SMC5: variants seen among roughly 807,000 people sequenced by gnomAD.
SMC5 encodes the protein structural maintenance of chromosomes 5, also known as structural maintenance of chromosomes protein 5.
Under a neutral mutation model 148.3 loss-of-function variants are expected in SMC5, and 88 were observed. The observed-to-expected ratio is 0.59, with a 90% confidence interval of 0.50 to 0.71. The LOEUF is 0.71. SMC5 is among the 30% of genes least tolerant of loss of function. The pLI is 0.00. For missense variants in SMC5, 1,142 were observed against 1,298.9 expected, an observed-to-expected ratio of 0.88 and a Z score of 1.86; for synonymous variants, 421 against 432.8, an observed-to-expected ratio of 0.97 and a Z score of 0.34.
chr9:70,347,572 T>C (rs760038664), intron 20 of SMC5, 41 bp from the exon 21 acceptor site: 1 of 1,051,850 alleles, frequency 9.5e-7, no homozygotes, highest in South Asian at 1.5e-5. Flanking sequence ...TTTTATCCTT[T>C]GGTAGATTTA....
At chr9:70,262,967 A>G (rs563380169) in intron 1 of SMC5, among the ~76,000 whole-genome samples, 18 of 152,252 alleles carry the variant, frequency 1.2e-4, no homozygotes, top group African/African-American at 4.3e-4. Flanking sequence ...GCCAAAAAAA[A>G]AAAAATTGCA....
chr9:70,336,765 G>T (rs1343726180), intron 17 of SMC5, among the ~76,000 whole-genome samples: 1 of 152,234 alleles, frequency 6.6e-6, no homozygotes, highest in East Asian at 1.9e-4. Context: ...GTTTCATGAA[G>T]AAGTTGACCC....
chr9:70,325,106 T>C (rs1425217380), intron 17 of SMC5, among the ~76,000 whole-genome samples: 2 of 152,194 alleles, frequency 1.3e-5, no homozygotes, highest in Non-Finnish European at 2.9e-5. Flanking sequence ...GTTTGGGAAG[T>C]TGGGCTGAAA....
At chr9:70,292,176 AC>A (rs35122953) in intron 8 of SMC5, among the ~76,000 whole-genome samples, 17,431 of 152,194 alleles carry the variant, frequency 0.11, 1,076 homozygotes, top group African/African-American at 0.15. Flanking sequence ...TCCTTACTTC[AC>A]CATTCCTGAT....
intron 9 of SMC5, among the ~76,000 whole-genome samples, chr9:70,298,694 A>T (rs1254249524): frequency 6.6e-6 from 1 of 151,802 alleles, no homozygotes; most frequent in Non-Finnish European, 1.5e-5. Flanking sequence ...GTTTAAAAAA[A>T]TTTTATATGT....
At chr9:70,294,087 A>T (rs1369075012) in intron 8 of SMC5, among the ~76,000 whole-genome samples, 1 of 152,122 alleles carries the variant, frequency 6.6e-6, no homozygotes, top group African/African-American at 2.4e-5. Flanking sequence ...CAGAATGAGT[A>T]AGGATGTAGG....
Position 70,267,032 on chromosome 9 carries a change from C to CTT in SMC5, c.328-876_328-875dup, listed in dbSNP as rs60909552. 4.0e-3 allele frequency among the ~76,000 whole-genome samples: 537 copies of CTT among 133,346 alleles called. 3 individuals carry two copies. The highest frequency in any genetic ancestry group is 0.013 in the African/African-American group (457 of 36,162). The allele number at this position is 133,346 out of a possible 152,430, so 87.5% of individuals were successfully genotyped here. A position where few individuals can be genotyped will look rare whatever the true frequency, so the allele number is the denominator to read the frequency against. On this transcript the variant is annotated intron_variant, in intron 2 of 24. Coordinates refer to ENST00000361138, the MANE Select transcript of SMC5 (RefSeq NM_015110.4). ...TGTACTTGGTGGTTACAAGATAAGG[C>CTT]TTTTTTTTTTTTTTTTCTCCCATCT...
At chr9:70,324,769 A>G (rs767987651) in intron 17 of SMC5, among the ~76,000 whole-genome samples, 1 of 152,148 alleles carries the variant, frequency 6.6e-6, no homozygotes, top group East Asian at 1.9e-4. Flanking sequence ...CTCAGGTTCA[A>G]TAATTTGATA....
chr9:70,319,024 TA>T, intron 15 of SMC5, 61 bp downstream of exon 15: 1 of 1,390,524 alleles, frequency 7.2e-7, no homozygotes. Context: ...ATATTAATTA[TA>T]CACTGTAATA....
intron 11 of SMC5, among the ~76,000 whole-genome samples, chr9:70,308,327 C>T (rs541546050): frequency 6.6e-5 from 10 of 151,916 alleles, no homozygotes; most frequent in Admixed American, 3.3e-4. Context: ...AATCTGTGGC[C>T]GGGCGCGGTG....
At chr9:70,263,017 G>T (rs1342453174) in intron 1 of SMC5, among the ~76,000 whole-genome samples, 1 of 150,964 alleles carries the variant, frequency 6.6e-6, no homozygotes, top group African/African-American at 2.4e-5. Context: ...TTGTAATATC[G>T]ATGCGTATTT....
chr9:70,300,504 C>G (rs2035330731), intron 10 of SMC5, among the ~76,000 whole-genome samples: 1 of 151,894 alleles, frequency 6.6e-6, no homozygotes, highest in Admixed American at 6.6e-5. Context: ...TAGATTGTAG[C>G]AGGGATTAGA....
intron 11 of SMC5, among the ~76,000 whole-genome samples, chr9:70,309,687 T>C (rs2035609761): frequency 6.6e-6 from 1 of 152,198 alleles, no homozygotes; most frequent in African/African-American, 2.4e-5. Flanking sequence ...CTTCCAATTC[T>C]AGTTCTCTTG....
chr9:70,325,004 G>T (rs1401309438), intron 17 of SMC5, among the ~76,000 whole-genome samples: 1 of 151,990 alleles, frequency 6.6e-6, no homozygotes, highest in African/African-American at 2.4e-5. Flanking sequence ...TCAGTACTCG[G>T]GTTTCTTATT....
intron 8 of SMC5, among the ~76,000 whole-genome samples, chr9:70,295,407 C>T (rs866851145): frequency 3.0e-4 from 45 of 147,576 alleles, no homozygotes; most frequent in Admixed American, 6.8e-5. Context: ...GGAGGCGGAG[C>T]TTGCAGTGAG....
chr9:70,301,034 T>A (rs931917023), intron 10 of SMC5, among the ~76,000 whole-genome samples: 47 of 152,256 alleles, frequency 3.1e-4, no homozygotes, highest in Admixed American at 5.2e-4. Context: ...TTACCATATC[T>A]TAAATTAGCA....
chr9:70,336,290 C>A lies in SMC5; in HGVS notation c.2398-7854C>A, dbSNP rs529801970. 2.6e-5 allele frequency among the ~76,000 whole-genome samples: 4 copies of A among 152,224 alleles called. No individual in the cohort carries two copies. The East Asian group carries it at 5.8e-4, about 22-fold the overall frequency. ...TTATTCTGAAGCCAACCTCTTCAAACCCTTTGACTTAAGAAAAAAACAGTG... is the reference window on the plus strand; with the variant it reads ...TTATTCTGAAGCCAACCTCTTCAAAACCTTTGACTTAAGAAAAAAACAGTG... On this transcript the variant is annotated intron_variant, in intron 17 of 24. Transcript: ENST00000361138.
intron 11 of SMC5, among the ~76,000 whole-genome samples, chr9:70,310,638 C>CT (rs1217028786): frequency 6.6e-6 from 1 of 152,132 alleles, no homozygotes; most frequent in Non-Finnish European, 1.5e-5. Flanking sequence ...GTCAGCTTTC[C>CT]TTTGAAGTTT....
intron 17 of SMC5, among the ~76,000 whole-genome samples, chr9:70,325,291 C>T (rs1354672801): frequency 6.6e-6 from 1 of 152,154 alleles, no homozygotes; most frequent in Non-Finnish European, 1.5e-5. Context: ...GAACCAGCAA[C>T]AAAGCCCAGT....
Sources: allele counts gnomAD v4.1 joint callset (sites outside exome capture counted in the v4.1 genomes callset), GRCh38; gene constraint gnomAD v4.1.1; transcripts MANE v1.5; gene names NCBI Gene and HGNC (gene_info 2026-07-23, HGNC 2026-07-21).